Variants in RSPH14 observed in about 807,000 individuals in gnomAD.
The protein encoded by RSPH14 is rhabdoid tumor deletion region gene 1.
A neutral mutation model predicts 26.7 loss-of-function variants in RSPH14; 20 were observed. The observed-to-expected ratio is 0.75, with a 90% CI of 0.53 to 1.09. The LOEUF (loss-of-function observed/expected upper bound fraction) is 1.09, where lower values mean the gene tolerates loss of function less well. Ranked by LOEUF, RSPH14 falls within the 50% of genes least tolerant of loss-of-function variation. RSPH14 has a pLI of 0.00. For missense variants in RSPH14, 449 were observed against 457.2 expected (o/e 0.98, Z 0.16); for synonymous variants, 177 against 189.3 (o/e 0.93, Z 0.53).
chr22:23,154,071 C>T, the RSPH14 span, among the ~76,000 whole-genome samples: 1 of 152,080 alleles, frequency 6.6e-6, no homozygotes, highest in Non-Finnish European at 1.5e-5. Flanking sequence ...CCTCTGCCTT[C>T]CATCTGAGTG....
intron 5 of RSPH14, 36 bp downstream of exon 5, chr22:23,063,866 A>G: frequency 1.2e-6 from 2 of 1,605,132 alleles, no homozygotes; most frequent in Non-Finnish European, 1.7e-6. Context: ...GCCTTCTCCC[A>G]GCCTTGGTAG....
chr22:23,167,093 A>G, the RSPH14 span, among the ~76,000 whole-genome samples: 1 of 151,030 alleles, frequency 6.6e-6, no homozygotes, highest in African/African-American at 2.4e-5. Context: ...CCTCCTCTGA[A>G]CTCCTGGTCC....
chr22:23,081,187 A>C (rs1359755763), intron 4 of RSPH14, among the ~76,000 whole-genome samples: 1 of 152,186 alleles, frequency 6.6e-6, no homozygotes, highest in African/African-American at 2.4e-5. Flanking sequence ...AAGGAGTATA[A>C]CAGCCTAAAG....
In RSPH14 at chr22:23,140,213, C is replaced by T. The variant is rs767954141; in HGVS notation, c.199+9G>A. On this transcript the variant is annotated intron_variant, in intron 2 of 6. Coordinates refer to ENST00000216036, the MANE Select transcript of RSPH14 (RefSeq NM_014433.3). ...CCAGTCATGGTCACCTGTGCTGTGT[C>T]ACGCTCACCTATGTTCATGGCCTTG... 1.2e-6 allele frequency: 2 copies of T among 1,612,804 alleles called. No individual in the cohort carries two copies.
chr22:23,072,720 G>A (rs2068410365), intron 4 of RSPH14, among the ~76,000 whole-genome samples: 1 of 152,258 alleles, frequency 6.6e-6, no homozygotes, highest in African/African-American at 2.4e-5. Context: ...CTGGACTGTT[G>A]CAGGGACCTG....
upstream of RSPH14, chr22:23,145,249 C>CCCCCCCCCCCCCAA: frequency 1.2e-6 from 1 of 806,216 alleles, no homozygotes; most frequent in Non-Finnish European, 2.0e-6. Context: ...ATAGCCCCGC[C>CCCCCCCCCCCCCAA]CACCGCCCAC....
intron 4 of RSPH14, among the ~76,000 whole-genome samples, chr22:23,107,049 C>A (rs537462587): frequency 1.4e-4 from 21 of 152,386 alleles, no homozygotes; most frequent in African/African-American, 4.1e-4. Flanking sequence ...AGGTTCAGAG[C>A]AAGGGCTTTT....
At chr22:23,172,538 TA>T in the RSPH14 span, among the ~76,000 whole-genome samples, 1 of 135,310 alleles carries the variant, frequency 7.4e-6, no homozygotes, top group Non-Finnish European at 1.5e-5. Context: ...CCATCTCTAC[TA>T]AAAAAATACA....
intron 4 of RSPH14, among the ~76,000 whole-genome samples, chr22:23,105,288 G>T (rs977457072): frequency 2.0e-5 from 3 of 152,224 alleles, no homozygotes; most frequent in Non-Finnish European, 2.9e-5. Context: ...TATGGGCAAG[G>T]TCCTGCCCCA....
At chr22:23,065,533 G>C (rs1264237210) in intron 4 of RSPH14, among the ~76,000 whole-genome samples, 1 of 7,204 alleles carries the variant, frequency 1.4e-4, no homozygotes, top group Non-Finnish European at 2.5e-4. Flanking sequence ...TGCACAGATT[G>C]CAAAAAAAAA....
chr22:23,130,084 G>GAAAGAAAGAGA (rs2070291467), intron 4 of RSPH14, among the ~76,000 whole-genome samples: 8 of 51,828 alleles, frequency 1.5e-4, no homozygotes, highest in Middle Eastern at 9.6e-3. Context: ...AGAAAGAAAG[G>GAAAGAAAGAGA]AAGAAAGAAA....
the RSPH14 span, chr22:23,152,652 A>G: frequency 1.1e-6 from 1 of 913,962 alleles, no homozygotes. Context: ...GCTGTGCCTC[A>G]GCCTGCTGGG....
chr22:23,154,004 T>C, the RSPH14 span, among the ~76,000 whole-genome samples: 1 of 152,196 alleles, frequency 6.6e-6, no homozygotes, highest in South Asian at 2.1e-4. Context: ...CTGTTTGTCT[T>C]CCTTGCTAGG....
intron 4 of RSPH14, among the ~76,000 whole-genome samples, chr22:23,079,696 G>A (rs1292915928): frequency 6.6e-6 from 1 of 152,240 alleles, no homozygotes; most frequent in East Asian, 1.9e-4. Context: ...AAGTCATACT[G>A]CTGCAAAACA....
chr22:23,122,912 G>T (rs1019901079), intron 4 of RSPH14, among the ~76,000 whole-genome samples: 2 of 152,230 alleles, frequency 1.3e-5, no homozygotes, highest in Admixed American at 6.5e-5. Flanking sequence ...GGCTATTTCC[G>T]TGGGAGGTGG....
chr22:23,158,280 G>C, the RSPH14 span, among the ~76,000 whole-genome samples: 1 of 152,202 alleles, frequency 6.6e-6, no homozygotes, highest in Non-Finnish European at 1.5e-5. Context: ...CCACCCCCAG[G>C]CACGTGCTCA....
At chr22:23,154,409 C>A in the RSPH14 span, among the ~76,000 whole-genome samples, 1 of 152,226 alleles carries the variant, frequency 6.6e-6, no homozygotes, top group Non-Finnish European at 1.5e-5. Flanking sequence ...TCCACAGCCC[C>A]AGCAAAGCCC....
intron 4 of RSPH14, among the ~76,000 whole-genome samples, chr22:23,114,790 C>T (rs1169156375): frequency 6.6e-6 from 1 of 152,238 alleles, no homozygotes; most frequent in Non-Finnish European, 1.5e-5. Flanking sequence ...GCAGCTGCCA[C>T]ACCGGCTCCA....
chr22:23,083,282 C>T (rs2068729589), intron 4 of RSPH14, among the ~76,000 whole-genome samples: 1 of 151,798 alleles, frequency 6.6e-6, no homozygotes, highest in Admixed American at 6.6e-5. Flanking sequence ...CAGAGGGGTC[C>T]CAGGGGAATC....
Sources: gnomAD v4.1 joint callset for allele counts (sites outside exome capture counted in the v4.1 genomes callset) on GRCh38, gnomAD v4.1.1 for gene constraint, MANE v1.5 for transcripts, NCBI Gene and HGNC (gene_info 2026-07-23, HGNC 2026-07-21) for gene names.